The following SYNPR variants were observed in gnomAD, a reference collection of about 807,000 sequenced individuals.
The protein encoded by SYNPR is synaptoporin.
In SYNPR, 23 loss-of-function variants were observed where a neutral mutation model predicts 32.9. That is an observed-to-expected ratio of 0.70 (90% confidence interval 0.50 to 0.99). SYNPR has a LOEUF of 0.99. Ranked by LOEUF, SYNPR falls within the 50% of genes least tolerant of loss-of-function variation. SYNPR has a pLI of 0.00. For missense variants in SYNPR, 318 were observed against 349.3 expected (o/e 0.91, Z 0.71); for synonymous variants, 146 against 135.9 (o/e 1.07, Z -0.52).
At chr3:63,431,817 A>C (rs1176405475) in intron 2 of SYNPR, among the ~76,000 whole-genome samples, 1 of 148,872 alleles carries the variant, frequency 6.7e-6, no homozygotes, top group East Asian at 2.0e-4. Context: ...ATTAAAAAAA[A>C]GTCATAGTTT....
At chr3:63,478,940 A>G (rs892032195) in intron 2 of SYNPR, among the ~76,000 whole-genome samples, 2 of 152,166 alleles carry the variant, frequency 1.3e-5, no homozygotes, top group Non-Finnish European at 2.9e-5. Context: ...CTTTATTTCT[A>G]TTAATACTAC....
At chr3:63,514,381 A>G (rs1209048837) in intron 3 of SYNPR, among the ~76,000 whole-genome samples, 2 of 152,212 alleles carry the variant, frequency 1.3e-5, no homozygotes, top group African/African-American at 4.8e-5. Context: ...AAGTCATGGA[A>G]CATCATGGAA....
intron 2 of SYNPR, among the ~76,000 whole-genome samples, chr3:63,393,759 C>T (rs1045376151): frequency 2.0e-5 from 3 of 152,214 alleles, no homozygotes; most frequent in South Asian, 2.1e-4. Flanking sequence ...AATCCTCCCA[C>T]CTCAGCCTCT....
At chr3:63,369,398 G>T (rs1051609621) in intron 2 of SYNPR, among the ~76,000 whole-genome samples, 1 of 152,168 alleles carries the variant, frequency 6.6e-6, no homozygotes, top group African/African-American at 2.4e-5. Context: ...GGAAAGAGGA[G>T]CACCCAGTAT....
intron 3 of SYNPR, among the ~76,000 whole-genome samples, chr3:63,493,160 G>A (rs1350968206): frequency 6.6e-6 from 1 of 152,072 alleles, no homozygotes; most frequent in Non-Finnish European, 1.5e-5. Context: ...ACTGAGTGGT[G>A]GAGACCTGTG....
chr3:63,311,678 T>C (rs1575594224), intron 2 of SYNPR, among the ~76,000 whole-genome samples: 1 of 152,144 alleles, frequency 6.6e-6, no homozygotes, highest in South Asian at 2.1e-4. Flanking sequence ...GAATGCAATC[T>C]GGATTTAAAG....
In SYNPR at chr3:63,476,217, G is replaced by A. The variant is rs184244088; in HGVS notation, c.85-4615G>A. Among the ~76,000 whole-genome samples, 706 of 77,058 alleles carry A rather than the reference G, an allele frequency of 9.2e-3. 46 individuals carry two copies. Among genetic ancestry groups the A allele is most frequent in the African/African-American group, 0.037 (671 of 17,966 alleles). 50.6% of individuals were successfully genotyped at this position (77,058 alleles called of 152,430 possible). A position where few individuals can be genotyped will look rare whatever the true frequency, so the allele number is the denominator to read the frequency against. ...GGAAGCAAGGGAAGGAAGGAAGGAG[G>A]GAAGGGAAGGGAAGGAAGGAAGGAA... On this transcript the variant is annotated intron_variant, in intron 2 of 5. Transcript: ENST00000478300.
At chr3:63,304,178 G>A (rs377505599) in intron 2 of SYNPR, among the ~76,000 whole-genome samples, 63 of 152,032 alleles carry the variant, frequency 4.1e-4, no homozygotes, top group Non-Finnish European at 6.2e-4. Context: ...TTTATATTGC[G>A]TTGTAAATGA....
At chr3:63,266,548 C>G (rs187187557) in intron 2 of SYNPR, among the ~76,000 whole-genome samples, 210 of 150,140 alleles carry the variant, frequency 1.4e-3, no homozygotes, top group Middle Eastern at 0.01. Context: ...ACTAAAAATA[C>G]AAAAAAAAAT....
intron 2 of SYNPR, among the ~76,000 whole-genome samples, chr3:63,345,393 C>T (rs1417779367): frequency 6.6e-6 from 1 of 152,162 alleles, no homozygotes; most frequent in Non-Finnish European, 1.5e-5. Context: ...TTTCTCTGAC[C>T]GTCATAATTT....
chr3:63,445,656 G>A, intron 2 of SYNPR: 1 of 603,896 alleles, frequency 1.7e-6, no homozygotes. Context: ...AGCACTCTAT[G>A]AGGGCCATAA....
At chr3:63,588,580 A>G (rs1391229807) in intron 4 of SYNPR, among the ~76,000 whole-genome samples, 1 of 152,140 alleles carries the variant, frequency 6.6e-6, no homozygotes, top group African/African-American at 2.4e-5. Context: ...GGTGTTCAAT[A>G]AGCATCCCCA....
intron 1 of SYNPR, among the ~76,000 whole-genome samples, chr3:63,246,736 A>G (rs976664059): frequency 6.6e-5 from 10 of 152,048 alleles, no homozygotes; most frequent in Non-Finnish European, 1.3e-4. Flanking sequence ...TGCTGTAAAT[A>G]CTTGAAATGC....
Position 63,356,253 on chromosome 3 carries a change from T to C in SYNPR, c.84+77511T>C, listed in dbSNP as rs151269920. On this transcript the variant is annotated intron_variant, in intron 2 of 5. Transcript: ENST00000478300. ...CAGTACCTGGGGTGAGGAAGCTTGATTGGAGCTTATCTTACCAAATAATCC... is the reference window on the plus strand; with the variant it reads ...CAGTACCTGGGGTGAGGAAGCTTGACTGGAGCTTATCTTACCAAATAATCC... 1.6e-4 allele frequency among the ~76,000 whole-genome samples: 25 copies of C among 152,360 alleles called. 1 individual carries two copies. Among genetic ancestry groups the C allele is most frequent in the Middle Eastern group, 6.8e-3 (2 of 294 alleles).
At chr3:63,580,485 G>GT (rs1402604183) in intron 4 of SYNPR, among the ~76,000 whole-genome samples, 1 of 152,154 alleles carries the variant, frequency 6.6e-6, no homozygotes, top group African/African-American at 2.4e-5. Context: ...CAGTACAAGT[G>GT]TCTCAAGGGA....
chr3:63,368,254 GCAGAGGTT>G (rs777204617), intron 2 of SYNPR, among the ~76,000 whole-genome samples: 1 of 152,182 alleles, frequency 6.6e-6, no homozygotes, highest in Non-Finnish European at 1.5e-5. Context: ...CTGCTTCCCA[GCAGAGGTT>G]CAGTAAATAC....
intron 5 of SYNPR, among the ~76,000 whole-genome samples, chr3:63,610,812 G>A (rs1700186369): frequency 6.6e-6 from 1 of 152,132 alleles, no homozygotes; most frequent in Non-Finnish European, 1.5e-5. Context: ...CGTTCTGCAT[G>A]GTTCTTCTAA....
At position 63,415,141 on chromosome 3, in the gene SYNPR, G is replaced by A. The variant is rs116422356; in HGVS notation, c.85-65691G>A. Among the ~76,000 whole-genome samples, 807 of 152,210 alleles carry A rather than the reference G, an allele frequency of 5.3e-3. 7 individuals carry two copies. The highest frequency in any genetic ancestry group is 0.018 in the African/African-American group (755 of 41,538). ...ATGAATTCTTTTCCTACTTTTTACTGTTATCTATGCTCTTGCAGTTCTTTA... is the reference window on the plus strand; with the variant it reads ...ATGAATTCTTTTCCTACTTTTTACTATTATCTATGCTCTTGCAGTTCTTTA... On this transcript the variant is annotated intron_variant, in intron 2 of 5. Transcript: ENST00000478300.
intron 2 of SYNPR, among the ~76,000 whole-genome samples, chr3:63,308,293 G>A (rs191893419): frequency 7.3e-4 from 111 of 151,910 alleles, no homozygotes; most frequent in African/African-American, 2.2e-3. Flanking sequence ...AACATACAGC[G>A]GATATTCAAT....
Sources: allele counts gnomAD v4.1 joint callset (sites outside exome capture counted in the v4.1 genomes callset), GRCh38; gene constraint gnomAD v4.1.1; transcripts MANE v1.5; gene names NCBI Gene and HGNC (gene_info 2026-07-23, HGNC 2026-07-21).